Variants in DNAJC1 observed in about 807,000 individuals in gnomAD.
DNAJC1 encodes the protein DnaJ heat shock protein family (Hsp40) member C1.
Under a neutral mutation model 76.6 loss-of-function variants are expected in DNAJC1, and 58 were observed. The ratio of observed to expected loss-of-function variants is 0.76; its 90% CI spans 0.61 to 0.94. The LOEUF is 0.94. Among genes scored for constraint, DNAJC1 ranks in the 40% least tolerant of loss-of-function variants. The pLI is 0.00. For synonymous variants in DNAJC1, 258 were observed against 267.9 expected (o/e 0.96, Z 0.36); for missense variants, 689 against 677.3 (o/e 1.02, Z -0.19).
chr10:21,865,481 CTG>C (rs1367409227), intron 8 of DNAJC1: 2 of 152,080 alleles, frequency 1.3e-5, no homozygotes, highest in Non-Finnish European at 2.9e-5. Flanking sequence ...AGAATTTACA[CTG>C]TATGATTATA....
Position 21,759,192 on chromosome 10 carries a change from C to G in DNAJC1, c.1574G>C (p.Arg525Thr). Residue 525 changes from arginine to threonine, a missense_variant, in exon 11 of 12, where the codon AGA (arginine) becomes ACA (threonine). Transcript: ENST00000376980. ...CACCTTGCTCTTGGACGGGACACAT[C>G]TGGCTATTTTGTCCCAGCGGTCAGA... ...GSSDRWDKIARCVPSKSKEDC... is the reference protein window; with the variant it reads ...GSSDRWDKIATCVPSKSKEDC... 1 of 1,614,020 alleles carries G rather than the reference C, an allele frequency of 6.2e-7. No homozygotes were observed. Among genetic ancestry groups the G allele is most frequent in the Non-Finnish European group, 8.5e-7 (1 of 1,179,966 alleles).
At chr10:21,771,980 G>A (rs1259310723) in intron 9 of DNAJC1, among the ~76,000 whole-genome samples, 3 of 152,188 alleles carry the variant, frequency 2.0e-5, no homozygotes, top group Non-Finnish European at 4.4e-5. Flanking sequence ...CACCCAGGCT[G>A]AAGTACAGTG....
chr10:21,836,201 C>T (rs896597551), intron 8 of DNAJC1, among the ~76,000 whole-genome samples: 2 of 152,130 alleles, frequency 1.3e-5, no homozygotes, highest in African/African-American at 4.8e-5. Context: ...AATTTTTAAC[C>T]CAGAATTTCA....
chr10:21,947,468 TATG>T (rs996806523), intron 1 of DNAJC1, among the ~76,000 whole-genome samples: 2 of 152,238 alleles, frequency 1.3e-5, no homozygotes, highest in African/African-American at 4.8e-5. Flanking sequence ...TGAAGAACTT[TATG>T]ATGATCCACT....
rs1278200402 is a variant in DNAJC1, at chr10:22,003,570, G to A, written c.-136C>T. On this transcript the variant is annotated 5_prime_UTR_variant, in exon 1 of 12. Transcript: ENST00000376980. The stretch of plus-strand genomic sequence containing the variant: ...CAGGCGCACCGGAGCGGCCCGCCAG[G>A]TGGCTGGCCCCAGACAGAGCGCGGA... 34 of 1,113,030 alleles carry A rather than the reference G, an allele frequency of 3.1e-5. No homozygotes were observed. The Admixed American group carries it at 7.4e-4, about 24-fold the overall frequency. The allele number at this position is 1,113,030 out of a possible 1,614,324, so 68.9% of individuals were successfully genotyped here. A position where few individuals can be genotyped will look rare whatever the true frequency, so the allele number is the denominator to read the frequency against.
chr10:21,979,204 G>C (rs745807468), intron 1 of DNAJC1, among the ~76,000 whole-genome samples: 5 of 151,872 alleles, frequency 3.3e-5, no homozygotes, highest in Non-Finnish European at 7.4e-5. Context: ...ATTAATATAA[G>C]TAGTAGCTGG....
At chr10:21,835,417 C>T (rs1189702188) in intron 8 of DNAJC1, among the ~76,000 whole-genome samples, 2 of 152,148 alleles carry the variant, frequency 1.3e-5, no homozygotes, top group Non-Finnish European at 2.9e-5. Flanking sequence ...AAAATCAGAG[C>T]ACCTCTCCTC....
chr10:21,773,206 G>C (rs1280247969), intron 9 of DNAJC1, among the ~76,000 whole-genome samples: 1 of 152,134 alleles, frequency 6.6e-6, no homozygotes, highest in African/African-American at 2.4e-5. Context: ...TCTTTCTAGT[G>C]TCTTAAGGTG....
chr10:21,887,870 A>G (rs1688182890), intron 7 of DNAJC1, among the ~76,000 whole-genome samples: 1 of 152,236 alleles, frequency 6.6e-6, no homozygotes, highest in Admixed American at 6.5e-5. Flanking sequence ...TTGAAACAAA[A>G]GCAAAAATTG....
At chr10:21,787,201 G>A (rs750661113) in intron 9 of DNAJC1, among the ~76,000 whole-genome samples, 7 of 152,086 alleles carry the variant, frequency 4.6e-5, no homozygotes, top group Middle Eastern at 3.4e-3. Context: ...GGTGGCAGGC[G>A]CTTGTAGTCC....
chr10:21,831,883 C>T (rs769536766), intron 8 of DNAJC1, among the ~76,000 whole-genome samples: 3 of 151,956 alleles, frequency 2.0e-5, no homozygotes, highest in African/African-American at 4.8e-5. Flanking sequence ...CCAAGGAAGC[C>T]TTCTCAAGGA....
chr10:21,800,606 T>C (rs1426517932), intron 9 of DNAJC1, among the ~76,000 whole-genome samples: 1 of 152,230 alleles, frequency 6.6e-6, no homozygotes, highest in Non-Finnish European at 1.5e-5. Flanking sequence ...AGAAAAATGA[T>C]GTGGATCTTA....
chr10:21,816,073 T>A (rs1488061378), intron 8 of DNAJC1, among the ~76,000 whole-genome samples: 1 of 151,328 alleles, frequency 6.6e-6, no homozygotes, highest in Non-Finnish European at 1.5e-5. Flanking sequence ...TATATGGATA[T>A]CCAGTTGTTC....
At chr10:21,973,972 C>T (rs1440202702) in intron 1 of DNAJC1, among the ~76,000 whole-genome samples, 3 of 151,412 alleles carry the variant, frequency 2.0e-5, no homozygotes, top group Non-Finnish European at 2.9e-5. Flanking sequence ...CCTGGAGGTG[C>T]GTGCCTGCAA....
At chr10:21,766,913 T>A (rs547082705) in intron 9 of DNAJC1, among the ~76,000 whole-genome samples, 3 of 141,742 alleles carry the variant, frequency 2.1e-5, no homozygotes, top group Non-Finnish European at 3.0e-5. Context: ...GAGGTTGCAG[T>A]AAGCTGACAT....
intron 1 of DNAJC1, among the ~76,000 whole-genome samples, chr10:21,972,467 C>T (rs1837996939): frequency 6.6e-6 from 1 of 151,980 alleles, no homozygotes; most frequent in Non-Finnish European, 1.5e-5. Flanking sequence ...ATATAACTTT[C>T]TTCTCAAAAT....
At chr10:21,900,650 C>A (rs1211773529) in intron 7 of DNAJC1, among the ~76,000 whole-genome samples, 3 of 152,024 alleles carry the variant, frequency 2.0e-5, no homozygotes, top group Non-Finnish European at 2.9e-5. Flanking sequence ...ATATTATCTG[C>A]CTACATATAA....
At chr10:21,923,978 G>A (rs1564828714) in intron 3 of DNAJC1, among the ~76,000 whole-genome samples, 1 of 151,940 alleles carries the variant, frequency 6.6e-6, no homozygotes, top group Non-Finnish European at 1.5e-5. Flanking sequence ...TCTAGCATGT[G>A]CCTAATTATG....
At chr10:21,953,821 T>TAAAAAAAAAAAAAAAAAAAAAAAA (rs779370823) in intron 1 of DNAJC1, among the ~76,000 whole-genome samples, 1 of 84,942 alleles carries the variant, frequency 1.2e-5, no homozygotes, top group Non-Finnish European at 2.3e-5. Flanking sequence ...AACTGAACTT[T>TAAAAAAAAAAAAAAAAAAAAAAAA]AAAAAAAAAA....
Sources: allele counts gnomAD v4.1 joint callset (sites outside exome capture counted in the v4.1 genomes callset), GRCh38; gene constraint gnomAD v4.1.1; transcripts MANE v1.5; gene names NCBI Gene and HGNC (gene_info 2026-07-23, HGNC 2026-07-21).